Variants in MDGA2 observed in about 807,000 individuals in gnomAD.
MDGA2 encodes the protein MAM domain-containing glycosylphosphatidylinositol anchor protein 2.
Under a neutral mutation model 117.8 loss-of-function variants are expected in MDGA2, and 40 were observed. The ratio of observed to expected loss-of-function variants is 0.34; its 90% CI spans 0.26 to 0.44. MDGA2 has a LOEUF of 0.44. MDGA2 is among the 20% of genes least tolerant of loss of function. The pLI, the probability that MDGA2 is intolerant of heterozygous loss-of-function variation, is 1.00. For synonymous variants in MDGA2, 452 were observed against 439.0 expected (o/e 1.03, Z -0.37); for missense variants, 1,123 against 1,250.6 (o/e 0.90, Z 1.54).
intron 2 of MDGA2, among the ~76,000 whole-genome samples, chr14:47,230,838 G>A (rs894924079): frequency 6.6e-6 from 1 of 151,942 alleles, no homozygotes; most frequent in Non-Finnish European, 1.5e-5. Flanking sequence ...AAATGTTCAT[G>A]TAAGTAGCCC....
intron 1 of MDGA2, among the ~76,000 whole-genome samples, chr14:47,382,197 A>G (rs1229698415): frequency 2.0e-5 from 3 of 152,210 alleles, no homozygotes; most frequent in African/African-American, 2.4e-5. Context: ...TTATACAAAA[A>G]TTAATTCAAG....
intron 1 of MDGA2, among the ~76,000 whole-genome samples, chr14:47,321,989 T>G (rs1889993678): frequency 6.6e-6 from 1 of 152,190 alleles, no homozygotes; most frequent in South Asian, 2.1e-4. Flanking sequence ...AATAGCTAGT[T>G]TATTTGTCAT....
intron 6 of MDGA2, among the ~76,000 whole-genome samples, chr14:47,092,943 G>A (rs1879748125): frequency 2.0e-5 from 3 of 152,070 alleles, no homozygotes; most frequent in African/African-American, 7.2e-5. Context: ...CTACATAGAT[G>A]TATATATCGT....
intron 2 of MDGA2, among the ~76,000 whole-genome samples, chr14:47,289,265 TA>T (rs749513913): frequency 2.7e-4 from 41 of 149,882 alleles, no homozygotes; most frequent in Middle Eastern, 3.4e-3. Context: ...TTTAAAATAA[TA>T]GGGGTGGATA....
intron 1 of MDGA2, among the ~76,000 whole-genome samples, chr14:47,313,351 C>A (rs1417894186): frequency 6.6e-6 from 1 of 152,104 alleles, no homozygotes; most frequent in African/African-American, 2.4e-5. Flanking sequence ...TGGCTCACTG[C>A]AGACTTAACC....
chr14:46,878,529 A>T (rs1394812819), intron 11 of MDGA2, among the ~76,000 whole-genome samples: 1 of 152,092 alleles, frequency 6.6e-6, no homozygotes, highest in Non-Finnish European at 1.5e-5. Context: ...TATAATTGCA[A>T]CATTAGTATA....
chr14:46,886,103 T>C (rs1882664504), intron 10 of MDGA2, among the ~76,000 whole-genome samples: 1 of 152,052 alleles, frequency 6.6e-6, no homozygotes, highest in Non-Finnish European at 1.5e-5. Context: ...CCATGAAAAA[T>C]TGTCTTTCAA....
At chr14:47,085,672 C>T (rs1462464595) in intron 6 of MDGA2, among the ~76,000 whole-genome samples, 2 of 151,752 alleles carry the variant, frequency 1.3e-5, no homozygotes, top group Non-Finnish European at 2.9e-5. Context: ...GACCCCCTTC[C>T]CCCAAAATTA....
intron 1 of MDGA2, among the ~76,000 whole-genome samples, chr14:47,331,182 C>T (rs547260065): frequency 6.0e-3 from 79 of 13,066 alleles, no homozygotes; most frequent in African/African-American, 7.7e-3. Flanking sequence ...CATAAACATA[C>T]ATAAATTCCC....
chr14:47,134,241 C>T (rs1882347089), intron 4 of MDGA2, among the ~76,000 whole-genome samples: 3 of 152,008 alleles, frequency 2.0e-5, no homozygotes, highest in Admixed American at 2.0e-4. Flanking sequence ...GCACGTGACA[C>T]AGGGCTTAGC....
chr14:47,627,626 C>A (rs909312977), intron 1 of MDGA2, among the ~76,000 whole-genome samples: 2 of 152,184 alleles, frequency 1.3e-5, no homozygotes, highest in African/African-American at 4.8e-5. Flanking sequence ...CTTTGTAAAA[C>A]AGACCAATCG....
chr14:47,653,337 C>A (rs553951452), intron 1 of MDGA2, among the ~76,000 whole-genome samples: 2 of 152,142 alleles, frequency 1.3e-5, no homozygotes, highest in Admixed American at 1.3e-4. Context: ...TGCTCTTGAG[C>A]TTTATGTAAT....
At chr14:47,489,658 G>C (rs918629035) in intron 1 of MDGA2, among the ~76,000 whole-genome samples, 4 of 152,036 alleles carry the variant, frequency 2.6e-5, no homozygotes, top group African/African-American at 9.7e-5. Context: ...CTATTTATCT[G>C]ATAGAAACTC....
At chr14:47,474,645 C>T (rs1893798391) in intron 1 of MDGA2, among the ~76,000 whole-genome samples, 1 of 151,988 alleles carries the variant, frequency 6.6e-6, no homozygotes, top group African/African-American at 2.4e-5. Flanking sequence ...GACCCATGGA[C>T]CAATGGAACA....
At position 47,493,809 on chromosome 14, in the gene MDGA2, T is replaced by A. The variant is rs1238560183; in HGVS notation, c.280+180708A>T. 4.6e-5 allele frequency among the ~76,000 whole-genome samples: 7 copies of A among 152,182 alleles called. 1 individual carries two copies. ...AACAAATGCAATTTTTGATTTATAA[T>A]TTTTCAATAAATATAAATTCTAGAA... On this transcript the variant is annotated intron_variant, in intron 1 of 16. Coordinates refer to ENST00000399232, the MANE Select transcript of MDGA2 (RefSeq NM_001113498.3).
intron 1 of MDGA2, among the ~76,000 whole-genome samples, chr14:47,359,748 C>CAAAAAAAAAAAAAAAAAAA (rs71448198): frequency 1.4e-4 from 15 of 110,706 alleles, no homozygotes; most frequent in East Asian, 5.5e-4. Context: ...AAGACTGTCT[C>CAAAAAAAAAAAAAAAAAAA]AAAAAAAAAA....
At chr14:47,146,525 C>T (rs762645855) in intron 3 of MDGA2, among the ~76,000 whole-genome samples, 2 of 152,100 alleles carry the variant, frequency 1.3e-5, no homozygotes, top group Non-Finnish European at 2.9e-5. Context: ...ATCAAATATT[C>T]ATTAATTTGG....
chr14:47,230,190 T>G (rs1886642316), intron 2 of MDGA2, among the ~76,000 whole-genome samples: 1 of 152,032 alleles, frequency 6.6e-6, no homozygotes. Context: ...TGTTCCAGTG[T>G]GCTCTACTAC....
At chr14:46,907,493 C>T (rs1378804261) in intron 10 of MDGA2, among the ~76,000 whole-genome samples, 1 of 151,960 alleles carries the variant, frequency 6.6e-6, no homozygotes, top group Non-Finnish European at 1.5e-5. Flanking sequence ...CATAATATAC[C>T]ACTGTAAATT....
Sources: allele counts gnomAD v4.1 joint callset (sites outside exome capture counted in the v4.1 genomes callset), GRCh38; gene constraint gnomAD v4.1.1; transcripts MANE v1.5; gene names NCBI Gene and HGNC (gene_info 2026-07-23, HGNC 2026-07-21).